CDH13: variants seen among roughly 807,000 people sequenced by gnomAD.
CDH13 encodes cadherin-13.
CDH13 carries 24 observed loss-of-function variants against 63.8 expected under a neutral mutation model. The ratio of observed to expected loss-of-function variants is 0.38; its 90% CI spans 0.27 to 0.53. CDH13 has a LOEUF of 0.53. Ranked by LOEUF, CDH13 falls within the 20% of genes least tolerant of loss-of-function variation. The pLI is 0.85. For missense variants in CDH13, 1,049 were observed against 903.1 expected (o/e 1.16, Z -2.07); for synonymous variants, 503 against 355.3 (o/e 1.42, Z -4.67).
At chr16:83,154,040 C>G (rs1394370963) in intron 4 of CDH13, among the ~76,000 whole-genome samples, 1 of 152,142 alleles carries the variant, frequency 6.6e-6, no homozygotes, top group African/African-American at 2.4e-5. Context: ...TTTAGAGAGC[C>G]ATGTCCTGTT....
At chr16:82,771,684 G>C (rs1200058804) in intron 1 of CDH13, among the ~76,000 whole-genome samples, 2 of 152,206 alleles carry the variant, frequency 1.3e-5, no homozygotes, top group African/African-American at 4.8e-5. Context: ...GCTGCCTTAA[G>C]TTTGCTTCCC....
At chr16:83,421,623 T>C (rs573973872) in intron 6 of CDH13, among the ~76,000 whole-genome samples, 12 of 152,076 alleles carry the variant, frequency 7.9e-5, no homozygotes, top group Admixed American at 2.0e-4. Flanking sequence ...GAAGTTCCTA[T>C]AGACTTCTTA....
intron 6 of CDH13, among the ~76,000 whole-genome samples, chr16:83,420,946 G>A (rs1473714690): frequency 3.9e-5 from 6 of 152,218 alleles, no homozygotes. Flanking sequence ...GACCCAGCAA[G>A]CAAGGTTATC....
At chr16:82,947,291 T>C (rs906503868) in intron 2 of CDH13, among the ~76,000 whole-genome samples, 16 of 152,180 alleles carry the variant, frequency 1.1e-4, no homozygotes, top group Non-Finnish European at 1.5e-4. Context: ...TTATTCTGTC[T>C]ATCTACTTAT....
At chr16:83,506,053 G>A (rs538741820) in intron 7 of CDH13, among the ~76,000 whole-genome samples, 1 of 152,316 alleles carries the variant, frequency 6.6e-6, no homozygotes, top group South Asian at 2.1e-4. Flanking sequence ...CCAGGTCAGT[G>A]TAAGACCAAA....
At chr16:83,481,148 G>A (rs1196759739) in intron 6 of CDH13, among the ~76,000 whole-genome samples, 1 of 152,178 alleles carries the variant, frequency 6.6e-6, no homozygotes, top group Non-Finnish European at 1.5e-5. Context: ...CTCTGCTCAT[G>A]TTTGCTTTAA....
chr16:83,087,426 T>G (rs1357506771), intron 3 of CDH13, among the ~76,000 whole-genome samples: 3 of 152,026 alleles, frequency 2.0e-5, no homozygotes, highest in Non-Finnish European at 4.4e-5. Context: ...TCCCAGCACT[T>G]TGAGAGGCCG....
At chr16:82,927,700 C>T (rs2042347190) in intron 2 of CDH13, among the ~76,000 whole-genome samples, 1 of 152,166 alleles carries the variant, frequency 6.6e-6, no homozygotes, top group Admixed American at 6.5e-5. Context: ...ATTGTCATTG[C>T]CAGCTTATGA....
chr16:82,941,248 G>C (rs1446000147), intron 2 of CDH13, among the ~76,000 whole-genome samples: 1 of 152,182 alleles, frequency 6.6e-6, no homozygotes, highest in Non-Finnish European at 1.5e-5. Flanking sequence ...AAGAATTTTA[G>C]GTTTTAGTTG....
intron 8 of CDH13, chr16:83,655,350 A>T (rs1364565461): frequency 6.6e-6 from 1 of 152,246 alleles, no homozygotes; most frequent in African/African-American, 2.4e-5. Context: ...TTTTACAGAT[A>T]AGGAAGTACC....
In CDH13 at chr16:83,655,057, A is replaced by G. The variant is rs567829720; in HGVS notation, c.1102-15733A>G. ...CAGTTTTGAAGGCAAGGACGGAGGC[A>G]TACAAGGCACTACTTGAGATCCTGT... On this transcript the variant is annotated intron_variant, in intron 8 of 13. Coordinates refer to ENST00000567109, the MANE Select transcript of CDH13 (RefSeq NM_001257.5). 3 of 152,394 alleles carry G rather than the reference A, an allele frequency of 2.0e-5. No homozygotes were observed. The East Asian group carries it at 5.8e-4, about 29-fold the overall frequency. 9.4% of individuals were successfully genotyped at this position (152,394 alleles called of 1,614,324 possible). A position where few individuals can be genotyped will look rare whatever the true frequency, so the allele number is the denominator to read the frequency against.
intron 3 of CDH13, among the ~76,000 whole-genome samples, chr16:83,033,719 CGG>C (rs1263441854): frequency 2.6e-5 from 4 of 152,168 alleles, no homozygotes; most frequent in African/African-American, 9.7e-5. Flanking sequence ...TTGTGCCATT[CGG>C]AGACTTTTTG....
intron 7 of CDH13, among the ~76,000 whole-genome samples, chr16:83,555,211 T>C (rs1202931682): frequency 6.6e-6 from 1 of 152,216 alleles, no homozygotes; most frequent in Non-Finnish European, 1.5e-5. Flanking sequence ...ACAATGTTTA[T>C]GGAGACCATG....
chr16:83,333,753 A>G (rs985427899), intron 5 of CDH13, among the ~76,000 whole-genome samples: 3 of 152,192 alleles, frequency 2.0e-5, no homozygotes, highest in Non-Finnish European at 2.9e-5. Context: ...GTAAGAGAGC[A>G]TGATCACATG....
chr16:82,799,981 A>T (rs1012169595), intron 1 of CDH13, among the ~76,000 whole-genome samples: 1 of 152,184 alleles, frequency 6.6e-6, no homozygotes, highest in African/African-American at 2.4e-5. Context: ...AGCAGAGAGG[A>T]TCTATTTTCT....
intron 8 of CDH13, 72 bp from the exon 9 acceptor site, chr16:83,670,718 C>A: frequency 2.3e-6 from 3 of 1,309,318 alleles, no homozygotes; most frequent in Non-Finnish European, 2.2e-6. Context: ...TGTAACATAC[C>A]CAATGCAAAG....
At chr16:83,652,643 T>G (rs1258319810) in intron 8 of CDH13, among the ~76,000 whole-genome samples, 1 of 152,128 alleles carries the variant, frequency 6.6e-6, no homozygotes, top group African/African-American at 2.4e-5. Context: ...CTTTCCTCAC[T>G]CAGGAGCTGG....
intron 1 of CDH13, among the ~76,000 whole-genome samples, chr16:82,827,569 A>G (rs1392476703): frequency 2.0e-5 from 3 of 152,152 alleles, no homozygotes; most frequent in Non-Finnish European, 4.4e-5. Flanking sequence ...ACTAGAGTCA[A>G]TCTGTAGACA....
chr16:82,787,851 T>TGTGTGTGTGTGTGTGTGTGTGTGTGTGA (rs1463260107), intron 1 of CDH13, among the ~76,000 whole-genome samples: 6 of 151,880 alleles, frequency 4.0e-5, no homozygotes, highest in Non-Finnish European at 7.4e-5. Flanking sequence ...AGTGTGTGTG[T>TGTGTGTGTGTGTGTGTGTGTGTGTGTGA]GATCTCAAAA....
Sources: gnomAD v4.1 joint callset for allele counts (sites outside exome capture counted in the v4.1 genomes callset) on GRCh38, gnomAD v4.1.1 for gene constraint, MANE v1.5 for transcripts, NCBI Gene and HGNC (gene_info 2026-07-23, HGNC 2026-07-21) for gene names.